The following OXR1 variants were observed in gnomAD, a reference collection of about 807,000 sequenced individuals.
OXR1 encodes oxidation resistance protein 1.
Under a neutral mutation model 104.6 loss-of-function variants are expected in OXR1, and 41 were observed. The observed-to-expected ratio is 0.39, with a 90% CI of 0.31 to 0.51. The LOEUF is 0.51. Among genes scored for constraint, OXR1 ranks in the 20% least tolerant of loss-of-function variants. OXR1 has a pLI of 0.77. For missense variants in OXR1, 955 were observed against 1,031.9 expected, an observed-to-expected ratio of 0.93 and a Z score of 1.02; for synonymous variants, 348 against 348.4, an observed-to-expected ratio of 1.00 and a Z score of 0.01.
At chr8:106,576,466 C>CAA (rs55917847) in intron 3 of OXR1, among the ~76,000 whole-genome samples, 19,332 of 111,626 alleles carry the variant, frequency 0.17, 1,703 homozygotes, top group East Asian at 0.33. Context: ...CACAGTTATT[C>CAA]AAAAAAAAAA....
chr8:106,597,537 T>A (rs1563632525), intron 3 of OXR1, among the ~76,000 whole-genome samples: 2 of 152,128 alleles, frequency 1.3e-5, no homozygotes, highest in Non-Finnish European at 1.5e-5. Context: ...TTAAAGAATA[T>A]CTGTTTTGGG....
intron 3 of OXR1, among the ~76,000 whole-genome samples, chr8:106,595,486 GTT>G (rs2130722469): frequency 6.8e-6 from 1 of 147,532 alleles, no homozygotes; most frequent in East Asian, 2.0e-4. Context: ...AGAGGCAGAG[GTT>G]GCAGTGAGCT....
At chr8:106,748,646 G>A (rs1408529248) in intron 16 of OXR1, among the ~76,000 whole-genome samples, 2 of 122,874 alleles carry the variant, frequency 1.6e-5, no homozygotes, top group African/African-American at 6.3e-5. Flanking sequence ...TTGGCTCACT[G>A]TAACCTCTGC....
At position 106,551,734 on chromosome 8, in the gene OXR1, G is replaced by A. The variant is rs1196431267; in HGVS notation, c.220+32595G>A. Among the ~76,000 whole-genome samples, 3 of 150,392 alleles carry A rather than the reference G, an allele frequency of 2.0e-5. No homozygotes were observed. In the East Asian group the frequency reaches 5.9e-4, roughly 29 times the overall value. ...AGGCTGAGGCGGGAGGATCACTTGA[G>A]CCCATGAGTTTGAAACCAGCCTAGG... On this transcript the variant is annotated intron_variant, in intron 3 of 16. Transcript: ENST00000517566.
At chr8:106,466,965 G>A (rs1198706717) in intron 2 of OXR1, among the ~76,000 whole-genome samples, 2 of 151,744 alleles carry the variant, frequency 1.3e-5, no homozygotes, top group African/African-American at 4.8e-5. Flanking sequence ...TATAGTACTT[G>A]GTATTTCATA....
chr8:106,748,594 G>A (rs1248742579), intron 16 of OXR1, among the ~76,000 whole-genome samples: 7 of 89,908 alleles, frequency 7.8e-5, no homozygotes, highest in African/African-American at 3.2e-4. Context: ...TTGAGATGGA[G>A]TTTCACTCTT....
chr8:106,547,049 C>G (rs930064753), intron 3 of OXR1, among the ~76,000 whole-genome samples: 4 of 152,098 alleles, frequency 2.6e-5, no homozygotes, highest in Non-Finnish European at 5.9e-5. Context: ...CACCACCACG[C>G]CTAGCTAATT....
chr8:106,284,900 A>C (rs1360238141), intron 1 of OXR1, among the ~76,000 whole-genome samples: 2 of 152,126 alleles, frequency 1.3e-5, no homozygotes, highest in Non-Finnish European at 2.9e-5. Context: ...AAAGGGCTGG[A>C]GATACTGTTA....
chr8:106,628,480 A>C (rs935794875), intron 3 of OXR1, among the ~76,000 whole-genome samples: 1 of 152,178 alleles, frequency 6.6e-6, no homozygotes, highest in African/African-American at 2.4e-5. Context: ...AATGGAGTTG[A>C]ATTTTATCTC....
At chr8:106,411,379 G>A (rs1818449982) in intron 2 of OXR1, among the ~76,000 whole-genome samples, 1 of 152,126 alleles carries the variant, frequency 6.6e-6, no homozygotes, top group Non-Finnish European at 1.5e-5. Context: ...TTTGTACTGT[G>A]CAGTGTACAA....
chr8:106,394,197 C>T (rs966111665), intron 2 of OXR1, among the ~76,000 whole-genome samples: 3 of 151,524 alleles, frequency 2.0e-5, no homozygotes, highest in African/African-American at 7.3e-5. Context: ...CACAGCCACC[C>T]CAAAATCATG....
intron 2 of OXR1, among the ~76,000 whole-genome samples, chr8:106,429,765 T>G (rs548166008): frequency 3.3e-5 from 5 of 152,292 alleles, no homozygotes; most frequent in Non-Finnish European, 5.9e-5. Flanking sequence ...ATGTTATTTT[T>G]TTTTTCCTCT....
chr8:106,301,074 A>T (rs184555111), intron 1 of OXR1, among the ~76,000 whole-genome samples: 1 of 152,324 alleles, frequency 6.6e-6, no homozygotes, highest in Non-Finnish European at 1.5e-5. Flanking sequence ...CACGTCATAT[A>T]AAAGATGCGG....
chr8:106,628,273 C>G (rs1217928554), intron 3 of OXR1, among the ~76,000 whole-genome samples: 2 of 152,160 alleles, frequency 1.3e-5, no homozygotes, highest in Admixed American at 6.6e-5. Flanking sequence ...AGAAATATTT[C>G]ATAATAGCTA....
chr8:106,637,119 T>G (rs1823202777), intron 3 of OXR1, among the ~76,000 whole-genome samples: 1 of 152,208 alleles, frequency 6.6e-6, no homozygotes, highest in Non-Finnish European at 1.5e-5. Context: ...TTGTTTGTTT[T>G]GCTATGGTAC....
At chr8:106,339,547 T>A (rs1815149607) in intron 1 of OXR1, among the ~76,000 whole-genome samples, 2 of 75,536 alleles carry the variant, frequency 2.6e-5, no homozygotes, top group African/African-American at 6.2e-5. Flanking sequence ...TATATATATA[T>A]ATATATATAA....
chr8:106,660,547 T>C (rs1043743238), intron 3 of OXR1, among the ~76,000 whole-genome samples: 1 of 152,240 alleles, frequency 6.6e-6, no homozygotes, highest in Admixed American at 6.5e-5. Flanking sequence ...AGTGATCTTA[T>C]TCCTCCTTTC....
At chr8:106,468,757 A>C (rs1351660251) in intron 2 of OXR1, among the ~76,000 whole-genome samples, 1 of 151,814 alleles carries the variant, frequency 6.6e-6, no homozygotes, top group East Asian at 1.9e-4. Flanking sequence ...GTTGGACAAG[A>C]AAGAACACAG....
intron 3 of OXR1, among the ~76,000 whole-genome samples, chr8:106,573,344 TACACACACACACACACAC>T (rs3046716): frequency 3.4e-5 from 5 of 146,740 alleles, no homozygotes; most frequent in Non-Finnish European, 7.5e-5. Flanking sequence ...AACCATCACA[TACACACACACACACACAC>T]ACACACACAC....
Sources: gnomAD v4.1 joint callset for allele counts (sites outside exome capture counted in the v4.1 genomes callset) on GRCh38, gnomAD v4.1.1 for gene constraint, MANE v1.5 for transcripts, NCBI Gene and HGNC (gene_info 2026-07-23, HGNC 2026-07-21) for gene names.